PAFAH2: variants seen among roughly 807,000 people sequenced by gnomAD.
PAFAH2 encodes the protein platelet-activating factor acetylhydrolase 2, cytoplasmic.
In PAFAH2, 42 loss-of-function variants were observed where a neutral mutation model predicts 49.0. That is an observed-to-expected ratio of 0.86 (90% confidence interval 0.67 to 1.11). The LOEUF (loss-of-function observed/expected upper bound fraction) is 1.11, where lower values mean the gene tolerates loss of function less well. PAFAH2 is among the 50% of genes least tolerant of loss of function. PAFAH2 has a pLI of 0.00. For synonymous variants in PAFAH2, 184 were observed against 181.3 expected (o/e 1.01, Z -0.12); for missense variants, 503 against 501.8 (o/e 1.00, Z -0.02).
chr1:25,964,573 T>A (rs1263255062), intron 10 of PAFAH2, among the ~76,000 whole-genome samples: 2 of 151,946 alleles, frequency 1.3e-5, no homozygotes, highest in East Asian at 1.9e-4. Flanking sequence ...AACAAAAATA[T>A]CAGTAGCATT....
chr1:25,972,037 C>A (rs2049516460), intron 10 of PAFAH2, among the ~76,000 whole-genome samples: 1 of 152,134 alleles, frequency 6.6e-6, no homozygotes, highest in African/African-American at 2.4e-5. Context: ...CCAGGTCATT[C>A]TGCAAGTAAG....
chr1:25,973,926 G>GT (rs940681639), intron 9 of PAFAH2, among the ~76,000 whole-genome samples: 6 of 152,110 alleles, frequency 3.9e-5, no homozygotes, highest in Admixed American at 2.0e-4. Flanking sequence ...CACTAAAAAT[G>GT]TTTTTTTCCC....
At chr1:25,967,462 T>C (rs2049444225) in intron 10 of PAFAH2, among the ~76,000 whole-genome samples, 1 of 152,046 alleles carries the variant, frequency 6.6e-6, no homozygotes, top group African/African-American at 2.4e-5. Flanking sequence ...GCACAGCAGA[T>C]GGAAGAGGCC....
chr1:25,989,280 C>T (rs933967183), intron 3 of PAFAH2, among the ~76,000 whole-genome samples, 168 bp downstream of exon 3: 2 of 152,156 alleles, frequency 1.3e-5, no homozygotes, highest in African/African-American at 4.8e-5. Flanking sequence ...GTCACCAAAG[C>T]TCTTTCATAT....
chr1:25,997,837 A>T (rs2049957529), intron 1 of PAFAH2, among the ~76,000 whole-genome samples, 188 bp downstream of exon 1: 1 of 152,138 alleles, frequency 6.6e-6, no homozygotes, highest in Non-Finnish European at 1.5e-5. Flanking sequence ...GGCCGTTAAA[A>T]GTGCGAGGCG....
intron 1 of PAFAH2, among the ~76,000 whole-genome samples, chr1:25,993,442 T>C (rs1397291639): frequency 6.6e-6 from 1 of 152,122 alleles, no homozygotes; most frequent in Non-Finnish European, 1.5e-5. Context: ...AGAGATTAAG[T>C]GAGCTGCTCA....
intron 1 of PAFAH2, among the ~76,000 whole-genome samples, chr1:25,996,777 C>T (rs1223519204): frequency 2.6e-5 from 4 of 152,202 alleles, no homozygotes; most frequent in Non-Finnish European, 4.4e-5. Flanking sequence ...CTCTCAAGTT[C>T]CTTATACGTA....
intron 6 of PAFAH2, among the ~76,000 whole-genome samples, chr1:25,982,747 A>T (rs1572356640): frequency 1.3e-5 from 2 of 152,332 alleles, no homozygotes; most frequent in South Asian, 4.1e-4. Context: ...GATGTACATG[A>T]AAGCATTTTA....
chr1:25,980,632 T>C (rs1416689537), intron 7 of PAFAH2, among the ~76,000 whole-genome samples: 1 of 145,362 alleles, frequency 6.9e-6, no homozygotes, highest in Non-Finnish European at 1.5e-5. Flanking sequence ...TATATATATA[T>C]TTTATATATA....
intron 10 of PAFAH2, among the ~76,000 whole-genome samples, chr1:25,970,524 C>G (rs1052868781): frequency 6.6e-6 from 1 of 152,126 alleles, no homozygotes; most frequent in Non-Finnish European, 1.5e-5. Flanking sequence ...AGAGACTGTC[C>G]AGGATGGCAC....
At chr1:25,980,240 G>A (rs2049662591) in intron 7 of PAFAH2, among the ~76,000 whole-genome samples, 1 of 152,170 alleles carries the variant, frequency 6.6e-6, no homozygotes, top group Non-Finnish European at 1.5e-5. Context: ...TTCTTTCTAT[G>A]TAAAGAGGTA....
At chr1:25,967,866 TG>T (rs2049450061) in intron 10 of PAFAH2, among the ~76,000 whole-genome samples, 1 of 152,162 alleles carries the variant, frequency 6.6e-6, no homozygotes, top group South Asian at 2.1e-4. Flanking sequence ...GAAAAATTGA[TG>T]ATCTAAAGTA....
intron 7 of PAFAH2, among the ~76,000 whole-genome samples, chr1:25,978,054 T>G (rs1310943046): frequency 6.6e-6 from 1 of 152,216 alleles, no homozygotes; most frequent in African/African-American, 2.4e-5. Flanking sequence ...TAAGGGGCTC[T>G]GGAGGCCTCT....
At chr1:25,964,563 A>C (rs1421593712) in intron 10 of PAFAH2, among the ~76,000 whole-genome samples, 1 of 152,178 alleles carries the variant, frequency 6.6e-6, no homozygotes, top group Non-Finnish European at 1.5e-5. Flanking sequence ...TGAAGAAACA[A>C]ACAAAAATAT....
At chr1:25,978,500 G>A (rs1279214232) in intron 7 of PAFAH2, among the ~76,000 whole-genome samples, 1 of 152,150 alleles carries the variant, frequency 6.6e-6, no homozygotes, top group Non-Finnish European at 1.5e-5. Context: ...ACAGCTAGCC[G>A]ATCACCAAAT....
chr1:25,974,657 T>G lies in PAFAH2; in HGVS notation c.759-7A>C. On this transcript the variant is annotated splice_region_variant and splice_polypyrimidine_tract_variant and intron_variant, in intron 8 of 10. Coordinates refer to ENST00000374282, the MANE Select transcript of PAFAH2 (RefSeq NM_000437.4). ...ATCCAGAGCCACCGCACACCTGGAA[T>G]AGGACCAGACATTTGGAATTGCCAT... 1 of 1,610,728 alleles carries G rather than the reference T, an allele frequency of 6.2e-7. No homozygotes were observed. Among genetic ancestry groups the G allele is most frequent in the Non-Finnish European group, 8.5e-7 (1 of 1,178,338 alleles).
At chr1:25,966,748 C>T (rs939906009) in intron 10 of PAFAH2, among the ~76,000 whole-genome samples, 5 of 152,048 alleles carry the variant, frequency 3.3e-5, no homozygotes, top group Non-Finnish European at 7.4e-5. Flanking sequence ...AAGAAAATTG[C>T]ACTTGTACCC....
At chr1:25,984,113 A>G in intron 5 of PAFAH2, 26 bp from the exon 6 acceptor site, 1 of 1,612,754 alleles carries the variant, frequency 6.2e-7, no homozygotes, top group Non-Finnish European at 8.5e-7. Flanking sequence ...CATCAGAGAG[A>G]AACCAGAAAA....
At chr1:25,985,193 T>C (rs191016157) in intron 4 of PAFAH2, among the ~76,000 whole-genome samples, 154 of 152,296 alleles carry the variant, frequency 1.0e-3, no homozygotes, top group African/African-American at 3.6e-3. Flanking sequence ...CAGTTCAAAC[T>C]GTGTCACCTT....
Sources: allele counts gnomAD v4.1 joint callset (sites outside exome capture counted in the v4.1 genomes callset), GRCh38; gene constraint gnomAD v4.1.1; transcripts MANE v1.5; gene names NCBI Gene and HGNC (gene_info 2026-07-23, HGNC 2026-07-21).